Variants in CSMD1 observed in about 807,000 individuals in gnomAD.
The protein encoded by CSMD1 is CUB and sushi domain-containing protein 1.
A neutral mutation model predicts 417.5 loss-of-function variants in CSMD1; 213 were observed. The ratio of observed to expected loss-of-function variants is 0.51; its 90% CI spans 0.46 to 0.57. The LOEUF is 0.57. CSMD1 is among the 20% of genes least tolerant of loss of function. CSMD1 has a pLI of 0.00. For synonymous variants in CSMD1, 2,862 were observed against 1,736.8 expected, an observed-to-expected ratio of 1.65 and a Z score of -16.11; for missense variants, 6,923 against 4,529.7, an observed-to-expected ratio of 1.53 and a Z score of -15.17.
chr8:3,182,287 C>T (rs1021701924), intron 36 of CSMD1, among the ~76,000 whole-genome samples: 8 of 152,190 alleles, frequency 5.3e-5, no homozygotes, highest in Non-Finnish European at 1.2e-4. Flanking sequence ...CGCTCTGTCA[C>T]CCAGGCTGGA....
intron 3 of CSMD1, among the ~76,000 whole-genome samples, chr8:4,118,553 G>A (rs1293335044): frequency 5.9e-5 from 9 of 152,140 alleles, no homozygotes; most frequent in East Asian, 3.9e-4. Context: ...ACCATCTCAC[G>A]CCAGTAAAAA....
intron 5 of CSMD1, among the ~76,000 whole-genome samples, chr8:3,967,243 C>A (rs1455179328): frequency 6.6e-6 from 1 of 151,542 alleles, no homozygotes; most frequent in African/African-American, 2.4e-5. Flanking sequence ...CTATTCTGAT[C>A]TAATTCTTCT....
chr8:4,307,816 T>C (rs376787449), intron 3 of CSMD1, among the ~76,000 whole-genome samples: 7 of 152,092 alleles, frequency 4.6e-5, no homozygotes, highest in Non-Finnish European at 7.4e-5. Flanking sequence ...GTCTGAAAAA[T>C]TATAATATGA....
chr8:3,882,582 GAAT>G (rs1806279810), intron 5 of CSMD1, among the ~76,000 whole-genome samples: 1 of 152,168 alleles, frequency 6.6e-6, no homozygotes, highest in Non-Finnish European at 1.5e-5. Context: ...CCCAAGGCTA[GAAT>G]GTTCATAGTA....
intron 52 of CSMD1, among the ~76,000 whole-genome samples, chr8:3,009,577 C>A (rs1808223057): frequency 1.3e-5 from 2 of 152,164 alleles, no homozygotes; most frequent in South Asian, 4.1e-4. Context: ...CAGTACACTT[C>A]AACGGACATA....
At chr8:3,091,431 T>C (rs1814935699) in intron 48 of CSMD1, 85 bp downstream of exon 48, 9 of 1,016,504 alleles carry the variant, frequency 8.9e-6, no homozygotes, top group South Asian at 5.9e-5. Context: ...GATTATACTA[T>C]AAATTTCTAT....
At chr8:3,516,647 G>T (rs1797293864) in intron 10 of CSMD1, among the ~76,000 whole-genome samples, 1 of 152,070 alleles carries the variant, frequency 6.6e-6, no homozygotes. Flanking sequence ...TTTAATTATT[G>T]TGTTTTTCTA....
rs538323492 is a variant in CSMD1, at chr8:4,069,516, G to C, written c.416-37417C>G. Among the ~76,000 whole-genome samples, 7 of 152,236 alleles carry C rather than the reference G, an allele frequency of 4.6e-5. No homozygotes were observed. In the South Asian group the frequency reaches 6.2e-4, roughly 14 times the overall value. On this transcript the variant is annotated intron_variant, in intron 3 of 69. Coordinates refer to ENST00000635120, the MANE Select transcript of CSMD1 (RefSeq NM_033225.6). ...TGCAGACAGCCTGACATTTGCTAAT[G>C]ATCGATGATTTGTTCTTACCACCCT...
intron 1 of CSMD1, among the ~76,000 whole-genome samples, chr8:4,890,204 C>T (rs2028233): frequency 0.39 from 58,595 of 151,998 alleles, 11,452 homozygotes; most frequent in East Asian, 0.44. Context: ...CTCATAAACA[C>T]ACTTGATCTT....
intron 3 of CSMD1, among the ~76,000 whole-genome samples, chr8:4,152,342 G>A (rs187177954): frequency 6.6e-6 from 1 of 152,044 alleles, no homozygotes; most frequent in Admixed American, 6.6e-5. Flanking sequence ...CAGAAATCAG[G>A]TAGACACGTA....
At chr8:4,835,219 G>A (rs1279324461) in intron 1 of CSMD1, among the ~76,000 whole-genome samples, 5 of 152,048 alleles carry the variant, frequency 3.3e-5, no homozygotes, top group Non-Finnish European at 5.9e-5. Context: ...GCGTCAGAGA[G>A]GAGATAAATG....
chr8:3,747,655 C>T (rs1005086307), intron 6 of CSMD1, among the ~76,000 whole-genome samples: 12 of 152,038 alleles, frequency 7.9e-5, no homozygotes, highest in African/African-American at 2.2e-4. Flanking sequence ...CTCCTCTGGA[C>T]GTTCTCTGTA....
intron 7 of CSMD1, among the ~76,000 whole-genome samples, chr8:3,656,939 C>T (rs1042932543): frequency 6.6e-6 from 1 of 151,118 alleles, no homozygotes; most frequent in African/African-American, 2.4e-5. Context: ...AAAAAAAAGC[C>T]TTTAAAAATC....
intron 23 of CSMD1, among the ~76,000 whole-genome samples, chr8:3,339,043 A>T (rs1585021875): frequency 2.3e-5 from 3 of 130,426 alleles, no homozygotes; most frequent in East Asian, 2.3e-4. Flanking sequence ...TGTCCATGTG[A>T]TCTCATTGTT....
chr8:4,932,893 A>G (rs1371271912), intron 1 of CSMD1, among the ~76,000 whole-genome samples: 1 of 152,222 alleles, frequency 6.6e-6, no homozygotes, highest in Non-Finnish European at 1.5e-5. Context: ...AATTTTTACT[A>G]TGGCTTAAAA....
At chr8:4,720,756 T>C (rs117219829) in intron 1 of CSMD1, among the ~76,000 whole-genome samples, 3,350 of 152,282 alleles carry the variant, frequency 0.022, 57 homozygotes, top group South Asian at 0.034. Flanking sequence ...TTATAAAGTT[T>C]CTGAAAAATC....
At chr8:3,020,924 C>T (rs1216357556) in intron 51 of CSMD1, among the ~76,000 whole-genome samples, 2 of 152,164 alleles carry the variant, frequency 1.3e-5, no homozygotes, top group Non-Finnish European at 2.9e-5. Context: ...TTAATGAACT[C>T]GAGTAGGATT....
intron 3 of CSMD1, among the ~76,000 whole-genome samples, chr8:4,122,345 A>G (rs1292676792): frequency 1.3e-5 from 2 of 152,182 alleles, no homozygotes; most frequent in Non-Finnish European, 2.9e-5. Context: ...CCCAAGAAGA[A>G]ATAGGATTTA....
intron 6 of CSMD1, among the ~76,000 whole-genome samples, chr8:3,709,444 C>A (rs1023726560): frequency 6.6e-6 from 1 of 152,030 alleles, no homozygotes; most frequent in African/African-American, 2.4e-5. Context: ...ATGTGTGAAC[C>A]TGACTGCACC....
Sources: allele counts gnomAD v4.1 joint callset (sites outside exome capture counted in the v4.1 genomes callset), GRCh38; gene constraint gnomAD v4.1.1; transcripts MANE v1.5; gene names NCBI Gene and HGNC (gene_info 2026-07-23, HGNC 2026-07-21).